PTPRG: variants seen among roughly 807,000 people sequenced by gnomAD.
PTPRG encodes protein tyrosine phosphatase receptor type G.
In PTPRG, 102 loss-of-function variants were observed where a neutral mutation model predicts 165.3. The observed-to-expected ratio is 0.62, with a 90% confidence interval of 0.53 to 0.73. The LOEUF (loss-of-function observed/expected upper bound fraction) is 0.73. Among genes scored for constraint, PTPRG ranks in the 30% least tolerant of loss-of-function variants. PTPRG has a pLI of 0.00. For missense variants in PTPRG, 1,866 were observed against 1,861.4 expected, an observed-to-expected ratio of 1.00 and a Z score of -0.05; for synonymous variants, 675 against 669.5, an observed-to-expected ratio of 1.01 and a Z score of -0.13.
chr3:61,814,309 C>G (rs888635771), intron 2 of PTPRG, among the ~76,000 whole-genome samples: 2 of 152,228 alleles, frequency 1.3e-5, no homozygotes, highest in Non-Finnish European at 2.9e-5. Flanking sequence ...GACCCTCTCG[C>G]TCTTTCACCA....
chr3:61,898,108 A>T (rs1302061656), intron 2 of PTPRG, among the ~76,000 whole-genome samples: 1 of 152,198 alleles, frequency 6.6e-6, no homozygotes. Context: ...TAGTGAGAGC[A>T]CACATCCTTG....
chr3:61,827,469 G>A lies in PTPRG; in HGVS notation c.190+78487G>A, dbSNP rs148336911. Among the ~76,000 whole-genome samples the A allele has an allele frequency of 3.6e-3, 548 of 152,232 alleles. 5 individuals are homozygous for A. The highest frequency in any genetic ancestry group is 0.013 in the African/African-American group (532 of 41,548). ...AATCTGGGATCCCAGCCTCACTCAT[G>A]GATCCAAGGTCAGAAATCATCTCAT... is the stretch of plus-strand genomic sequence containing the variant. On this transcript the variant is annotated intron_variant, in intron 2 of 29. Transcript: ENST00000474889.
At chr3:61,734,239 A>G (rs925009220) in intron 1 of PTPRG, among the ~76,000 whole-genome samples, 21 of 152,204 alleles carry the variant, frequency 1.4e-4, no homozygotes, top group Non-Finnish European at 2.4e-4. Flanking sequence ...GATATCATGT[A>G]TGATTTCTGA....
intron 1 of PTPRG, among the ~76,000 whole-genome samples, chr3:61,587,920 A>G (rs1282950456): frequency 6.7e-6 from 1 of 150,086 alleles, no homozygotes; most frequent in African/African-American, 2.4e-5. Flanking sequence ...TGGCCTCACA[A>G]AGTGTTGGAA....
chr3:61,652,835 G>A (rs1267018622), intron 1 of PTPRG, among the ~76,000 whole-genome samples: 3 of 152,282 alleles, frequency 2.0e-5, no homozygotes, highest in Admixed American at 6.5e-5. Flanking sequence ...ATGCCTTCTG[G>A]CAAGTGGGGG....
intron 1 of PTPRG, among the ~76,000 whole-genome samples, chr3:61,698,625 A>G (rs572474419): frequency 6.6e-6 from 1 of 152,258 alleles, no homozygotes; most frequent in East Asian, 1.9e-4. Flanking sequence ...GATCTCCTTT[A>G]TACTCTTAAG....
At chr3:61,641,596 T>G (rs187469378) in intron 1 of PTPRG, among the ~76,000 whole-genome samples, 36 of 152,320 alleles carry the variant, frequency 2.4e-4, no homozygotes, top group Admixed American at 1.2e-3. Flanking sequence ...GGTTATCGGC[T>G]TTTGTGTTTT....
chr3:61,658,270 C>T (rs1702563676), intron 1 of PTPRG, among the ~76,000 whole-genome samples: 1 of 152,194 alleles, frequency 6.6e-6, no homozygotes, highest in Non-Finnish European at 1.5e-5. Flanking sequence ...ACTGGTCACA[C>T]TGCAGCTGGA....
At chr3:61,967,800 T>G (rs2040303368) in intron 2 of PTPRG, among the ~76,000 whole-genome samples, 1 of 152,188 alleles carries the variant, frequency 6.6e-6, no homozygotes, top group South Asian at 2.1e-4. Context: ...AATTTCTGGG[T>G]CAAAGTGAAT....
At chr3:61,673,046 C>G (rs1703086511) in intron 1 of PTPRG, among the ~76,000 whole-genome samples, 1 of 152,040 alleles carries the variant, frequency 6.6e-6, no homozygotes, top group African/African-American at 2.4e-5. Flanking sequence ...GTAGTCCTAG[C>G]TACTCGGAGA....
At position 61,954,382 on chromosome 3, in the gene PTPRG, T is replaced by C. The variant is rs184236268; in HGVS notation, c.191-35243T>C. Reference sequence around the variant, plus strand: ...GTTTGTTTAAAGATGAGTGTAATGTTGAGAGAGGTTGGGCTGGTGATGGTG... The same window carrying C: ...GTTTGTTTAAAGATGAGTGTAATGTCGAGAGAGGTTGGGCTGGTGATGGTG... On this transcript the variant is annotated intron_variant, in intron 2 of 29. Coordinates refer to ENST00000474889, the MANE Select transcript of PTPRG (RefSeq NM_002841.4). 1.6e-3 allele frequency among the ~76,000 whole-genome samples: 239 copies of C among 152,224 alleles called. 1 individual carries two copies. Among genetic ancestry groups the C allele is most frequent in the Admixed American group, 3.2e-3 (49 of 15,288 alleles).
chr3:61,869,781 T>C (rs2037512578), intron 2 of PTPRG, among the ~76,000 whole-genome samples: 1 of 152,048 alleles, frequency 6.6e-6, no homozygotes, highest in African/African-American at 2.4e-5. Flanking sequence ...TGTTTTGTTT[T>C]GCAGAGATGA....
intron 2 of PTPRG, among the ~76,000 whole-genome samples, chr3:61,834,476 G>C (rs777690791): frequency 5.9e-5 from 9 of 152,024 alleles, no homozygotes; most frequent in African/African-American, 2.2e-4. Flanking sequence ...TGGGAGGATC[G>C]CTTGAGCCCA....
At chr3:61,925,336 G>A (rs188881124) in intron 2 of PTPRG, among the ~76,000 whole-genome samples, 30 of 152,308 alleles carry the variant, frequency 2.0e-4, no homozygotes, top group Non-Finnish European at 1.5e-4. Flanking sequence ...GTCCAAAATG[G>A]TTCCACTAGC....
chr3:61,938,769 C>CT (rs967641747), intron 2 of PTPRG, among the ~76,000 whole-genome samples: 3 of 152,198 alleles, frequency 2.0e-5, no homozygotes, highest in Non-Finnish European at 2.9e-5. Context: ...TTATAGTTGT[C>CT]TTTTTTTCTA....
At chr3:61,731,065 G>A (rs1001037533) in intron 1 of PTPRG, among the ~76,000 whole-genome samples, 2 of 152,200 alleles carry the variant, frequency 1.3e-5, no homozygotes, top group African/African-American at 4.8e-5. Context: ...AAGCCAAGGT[G>A]TTAGGCTTCC....
At chr3:61,664,221 C>T (rs1702745465) in intron 1 of PTPRG, among the ~76,000 whole-genome samples, 1 of 152,116 alleles carries the variant, frequency 6.6e-6, no homozygotes, top group African/African-American at 2.4e-5. Flanking sequence ...TCTACATGCT[C>T]CTTGTAGTCA....
intron 1 of PTPRG, among the ~76,000 whole-genome samples, chr3:61,641,852 G>A (rs1032967203): frequency 6.6e-6 from 1 of 152,190 alleles, no homozygotes; most frequent in African/African-American, 2.4e-5. Flanking sequence ...GAGGTTTAAG[G>A]ATGGATGGGT....
At chr3:62,265,839 T>C (rs1468360402) in intron 17 of PTPRG, among the ~76,000 whole-genome samples, 1 of 123,512 alleles carries the variant, frequency 8.1e-6, no homozygotes, top group African/African-American at 3.1e-5. Context: ...TATATATACA[T>C]ACATACATAC....
Sources: allele counts gnomAD v4.1 joint callset (sites outside exome capture counted in the v4.1 genomes callset), GRCh38; gene constraint gnomAD v4.1.1; transcripts MANE v1.5; gene names NCBI Gene and HGNC (gene_info 2026-07-23, HGNC 2026-07-21).